Variants in CCDC25 observed in about 807,000 individuals in gnomAD.
CCDC25 encodes the protein coiled-coil domain containing 25, also known as coiled-coil domain-containing protein 25.
CCDC25 carries 16 observed loss-of-function variants against 35.3 expected under a neutral mutation model. That is an observed-to-expected ratio of 0.45 (90% confidence interval 0.31 to 0.69). The LOEUF (loss-of-function observed/expected upper bound fraction) is 0.69, where lower values mean the gene tolerates loss of function less well. Ranked by LOEUF, CCDC25 falls within the 30% of genes least tolerant of loss-of-function variation. The probability of loss-of-function intolerance (pLI) is 0.06; values close to 1 mark genes in which losing one functional copy is unlikely to be tolerated. For missense variants in CCDC25, 179 were observed against 250.7 expected, an observed-to-expected ratio of 0.71 and a Z score of 1.93; for synonymous variants, 79 against 80.3, an observed-to-expected ratio of 0.98 and a Z score of 0.09.
intron 1 of CCDC25, among the ~76,000 whole-genome samples, chr8:27,767,958 T>G (rs186297736): frequency 1.8e-3 from 267 of 152,160 alleles, no homozygotes; most frequent in African/African-American, 6.2e-3. Context: ...TCCCACCACT[T>G]TGGGAGGCTG....
In CCDC25 at chr8:27,770,518, A is replaced by G. The variant is rs142974507; in HGVS notation, c.28+1995T>C. Among the ~76,000 whole-genome samples the G allele has an allele frequency of 1.4e-3, 215 of 152,210 alleles. 3 individuals carry two copies. In the East Asian group the frequency reaches 0.029, roughly 20 times the overall value. On this transcript the variant is annotated intron_variant, in intron 1 of 8. Coordinates refer to ENST00000356537, the MANE Select transcript of CCDC25 (RefSeq NM_018246.3). The stretch of plus-strand genomic sequence containing the variant: ...TTTGGGAGGCTGAGGCAGGCAGATC[A>G]CCTGAGGTCGGGAGTTCAAGACCAG...
chr8:27,770,144 AAAAAAAC>A (rs1301431907), intron 1 of CCDC25, among the ~76,000 whole-genome samples: 1 of 152,108 alleles, frequency 6.6e-6, no homozygotes, highest in African/African-American at 2.4e-5. Flanking sequence ...ACTCCATCTC[AAAAAAAC>A]AAAAAACAAA....
At chr8:27,741,084 A>G (rs1803420054) in intron 7 of CCDC25, among the ~76,000 whole-genome samples, 1 of 152,210 alleles carries the variant, frequency 6.6e-6, no homozygotes, top group Non-Finnish European at 1.5e-5. Context: ...TAACTCAGGT[A>G]GGTTCTCAAA....
In CCDC25 at chr8:27,756,648, C is replaced by A. The variant is rs372611484; in HGVS notation, c.168+71G>T. 4.7e-6 allele frequency: 5 copies of A among 1,075,126 alleles called. No individual in the cohort carries two copies. In the East Asian group the frequency reaches 9.6e-5, roughly 21 times the overall value. 66.6% of individuals were successfully genotyped at this position (1,075,126 alleles called of 1,614,324 possible). A position where few individuals can be genotyped will look rare whatever the true frequency, so the allele number is the denominator to read the frequency against. On this transcript the variant is annotated intron_variant, in intron 4 of 8. Transcript: ENST00000356537. ...CTTATTACTGTAAGCAATTTAATTGCAAAGGATAAAGAACAAGATATGATG... is the reference window on the plus strand; with the variant it reads ...CTTATTACTGTAAGCAATTTAATTGAAAAGGATAAAGAACAAGATATGATG...
chr8:27,734,283 T>TCGCCTGCATG lies in CCDC25; in HGVS notation c.*1923_*1932dup, dbSNP rs1803138020. On this transcript the variant is annotated 3_prime_UTR_variant, in exon 9 of 9. Transcript: ENST00000356537. ...TAGTGAAGTAAATTAAACATGCCCC[T>TCGCCTGCATG]CGCCTGCATGCTGATCAGAGTGTTG... 1 of 152,158 alleles carries TCGCCTGCATG rather than the reference T, an allele frequency of 6.6e-6. No individual in the cohort carries two copies. Among genetic ancestry groups the TCGCCTGCATG allele is most frequent in the Non-Finnish European group, 1.5e-5 (1 of 68,036 alleles). 9.4% of individuals were successfully genotyped at this position (152,158 alleles called of 1,614,324 possible). A position where few individuals can be genotyped will look rare whatever the true frequency, so the allele number is the denominator to read the frequency against.
chr8:27,747,463 A>G (rs1470392669), intron 7 of CCDC25, among the ~76,000 whole-genome samples: 4 of 152,194 alleles, frequency 2.6e-5, no homozygotes, highest in Non-Finnish European at 4.4e-5. Context: ...TACAGACAAT[A>G]AATGTGTGTT....
Position 27,772,607 on chromosome 8 carries a change from C to G in CCDC25, c.-67G>C, listed in dbSNP as rs149449164. ...CGCTCAACTCACGAAGCTCAGGATA[C>G]CAGACTCGCGGCGGCCGCCTGGCCC... On this transcript the variant is annotated 5_prime_UTR_variant, in exon 1 of 9. Coordinates refer to ENST00000356537, the MANE Select transcript of CCDC25 (RefSeq NM_018246.3). 3,875 of 1,498,754 alleles carry G rather than the reference C, an allele frequency of 2.6e-3. 66 individuals carry two copies. In the African/African-American group the frequency reaches 0.045, roughly 17 times the overall value. 92.8% of individuals were successfully genotyped at this position (1,498,754 alleles called of 1,614,324 possible).
rs769266660 is a variant in CCDC25 at position 27,752,601 on chromosome 8, A to G, written c.169-14T>C. ...TATATTCTCTCCCTGAAACACAAAAATAAACCAATTGGTCCACTACCTCAT... is the reference window on the plus strand; with the variant it reads ...TATATTCTCTCCCTGAAACACAAAAGTAAACCAATTGGTCCACTACCTCAT... On this transcript the variant is annotated splice_polypyrimidine_tract_variant and intron_variant, in intron 4 of 8. Coordinates refer to ENST00000356537, the MANE Select transcript of CCDC25 (RefSeq NM_018246.3). 6.2e-7 allele frequency: 1 copy of G among 1,606,294 alleles called. No homozygotes were observed.
chr8:27,768,386 G>A (rs1484175365), intron 1 of CCDC25, among the ~76,000 whole-genome samples: 1 of 151,942 alleles, frequency 6.6e-6, no homozygotes, highest in African/African-American at 2.4e-5. Flanking sequence ...CCAATATGGC[G>A]AAACCCTGTC....
At chr8:27,769,607 T>C (rs1804516326) in intron 1 of CCDC25, among the ~76,000 whole-genome samples, 1 of 152,194 alleles carries the variant, frequency 6.6e-6, no homozygotes, top group Non-Finnish European at 1.5e-5. Context: ...TTTTGAATTT[T>C]GTTTCTAGTA....
chr8:27,738,503 C>A (rs1803325750), intron 8 of CCDC25, among the ~76,000 whole-genome samples: 2 of 151,998 alleles, frequency 1.3e-5, no homozygotes, highest in South Asian at 4.2e-4. Context: ...GATTAGCAAT[C>A]TTTTGGGCTA....
chr8:27,759,248 A>C (rs1280374478), intron 3 of CCDC25, among the ~76,000 whole-genome samples: 1 of 152,178 alleles, frequency 6.6e-6, no homozygotes, highest in African/African-American at 2.4e-5. Context: ...GAGTCTGTGG[A>C]AATACTAATC....
chr8:27,740,884 G>A (rs572225725), intron 7 of CCDC25, among the ~76,000 whole-genome samples: 1 of 152,102 alleles, frequency 6.6e-6, no homozygotes, highest in Non-Finnish European at 1.5e-5. Flanking sequence ...GATTGTAAAC[G>A]CTACAGGAAT....
chr8:27,740,452 T>C lies in CCDC25; in HGVS notation c.597+20A>G. 1 of 1,606,834 alleles carries C rather than the reference T, an allele frequency of 6.2e-7. No individual in the cohort carries two copies. Among genetic ancestry groups the C allele is most frequent in the South Asian group, 1.1e-5 (1 of 89,848 alleles). On this transcript the variant is annotated intron_variant, in intron 8 of 8. Coordinates refer to ENST00000356537, the MANE Select transcript of CCDC25 (RefSeq NM_018246.3). The stretch of plus-strand genomic sequence containing the variant: ...TGAATTATTTCAAGGCAAACATTCA[T>C]GCAAACCACTTGAACATACCTGATT...
chr8:27,739,366 T>C (rs1345734361), intron 8 of CCDC25, among the ~76,000 whole-genome samples: 1 of 152,210 alleles, frequency 6.6e-6, no homozygotes, highest in African/African-American at 2.4e-5. Context: ...TGTAAAATCC[T>C]ATTACTTCTA....
At chr8:27,739,568 C>CATAGCATTTACACTAAT (rs1803366782) in intron 8 of CCDC25, among the ~76,000 whole-genome samples, 2 of 151,886 alleles carry the variant, frequency 1.3e-5, no homozygotes, top group Non-Finnish European at 1.5e-5. Context: ...CAACTATTTA[C>CATAGCATTTACACTAAT]ATAGCATTTA....
At chr8:27,754,795 T>C (rs1354074218) in intron 4 of CCDC25, among the ~76,000 whole-genome samples, 1 of 152,190 alleles carries the variant, frequency 6.6e-6, no homozygotes, top group Non-Finnish European at 1.5e-5. Flanking sequence ...TGATTGGAAA[T>C]GGTTTAAGGC....
rs1003665862 is a variant in CCDC25 at position 27,734,644 on chromosome 8, T to C, written c.*1572A>G. The C allele has an allele frequency of 5.9e-5, 9 of 152,072 alleles. No homozygotes were observed. The highest frequency in any genetic ancestry group is 8.8e-5 in the Non-Finnish European group (6 of 68,002). The allele number at this position is 152,072 out of a possible 1,614,324, so 9.4% of individuals were successfully genotyped here. On this transcript the variant is annotated 3_prime_UTR_variant, in exon 9 of 9. Transcript: ENST00000356537. ...CAGAGACCTGGACATTTTAAACCAG[T>C]GTAAGCTGAGTTAGGAAATGTTTAA...
chr8:27,759,399 G>GATCACTTAA (rs1161521790), intron 3 of CCDC25, among the ~76,000 whole-genome samples: 1 of 152,106 alleles, frequency 6.6e-6, no homozygotes, highest in East Asian at 1.9e-4. Context: ...TTCAGGTCAG[G>GATCACTTAA]GGTTGGAGAC....
Sources: allele counts gnomAD v4.1 joint callset (sites outside exome capture counted in the v4.1 genomes callset), GRCh38; gene constraint gnomAD v4.1.1; transcripts MANE v1.5; gene names NCBI Gene and HGNC (gene_info 2026-07-23, HGNC 2026-07-21).